The following RBBP6 variants were observed in gnomAD, a reference collection of about 807,000 sequenced individuals.
RBBP6 encodes E3 ubiquitin-protein ligase RBBP6.
RBBP6 carries 25 observed loss-of-function variants against 167.7 expected under a neutral mutation model. The observed-to-expected ratio is 0.15, with a 90% CI of 0.11 to 0.21. The LOEUF (loss-of-function observed/expected upper bound fraction) is 0.21. RBBP6 is among the 10% of genes least tolerant of loss of function. The pLI is 1.00. For synonymous variants in RBBP6, 789 were observed against 735.8 expected, an observed-to-expected ratio of 1.07 and a Z score of -1.17; for missense variants, 1,868 against 2,134.2, an observed-to-expected ratio of 0.88 and a Z score of 2.46.
intron 3 of RBBP6, among the ~76,000 whole-genome samples, chr16:24,551,677 A>AT (rs201356943): frequency 2.7e-4 from 41 of 149,788 alleles, no homozygotes; most frequent in Admixed American, 1.1e-3. Flanking sequence ...GAGTGGGAAG[A>AT]TTTTTTTTTT....
In RBBP6 at chr16:24,553,679, T is replaced by C. The variant is rs896701493; in HGVS notation, c.348+122T>C. On this transcript the variant is annotated intron_variant, in intron 4 of 17. Coordinates refer to ENST00000319715, the MANE Select transcript of RBBP6 (RefSeq NM_006910.5). Reference sequence around the variant, plus strand: ...TATTTTGCAAAAGCATTGTACATATTATTACTATCCTGTAAAGAGTAGTTG... The same window carrying C: ...TATTTTGCAAAAGCATTGTACATATCATTACTATCCTGTAAAGAGTAGTTG... 4.8e-6 allele frequency: 3 copies of C among 619,760 alleles called. No homozygotes were observed. The Admixed American group carries it at 8.5e-5, about 18-fold the overall frequency. The allele number at this position is 619,760 out of a possible 1,614,324, so 38.4% of individuals were successfully genotyped here.
Position 24,569,427 on chromosome 16 carries a change from A to T in RBBP6, c.2737A>T (p.Asn913Tyr), listed in dbSNP as rs370098575. The T allele has an allele frequency of 1.2e-6, 2 of 1,614,092 alleles. No individual in the cohort carries two copies. The highest frequency in any genetic ancestry group is 2.7e-5 in the African/African-American group (2 of 75,036). The change falls in exon 17 of 18, where the codon AAT becomes TAT. Residue 913 changes from asparagine to tyrosine, a missense_variant. Physicochemically the swap from Asn to Tyr is moderately radical, Grantham distance 143. This residue lies in a region of RBBP6 where 673 missense variants were observed against 691.5 expected (regional missense o/e 0.97). Coordinates refer to ENST00000319715, the MANE Select transcript of RBBP6 (RefSeq NM_006910.5). ...AAGAGATGGTCACAATCAGAAGGAT[A>T]ATACAAAGTCAAAAGAGAAGGAGAG... is the stretch of plus-strand genomic sequence containing the variant. Reference protein sequence around the residue: ...SARDGHNQKDNTKSKEKESEN... With the variant: ...SARDGHNQKDYTKSKEKESEN...
chr16:24,562,685 TAAAAA>T (rs373263162), intron 10 of RBBP6, among the ~76,000 whole-genome samples: 1 of 135,910 alleles, frequency 7.4e-6, no homozygotes, highest in Non-Finnish European at 1.6e-5. Flanking sequence ...ATAAATTCTT[TAAAAA>T]AAAAAAAAAA....
chr16:24,566,325 T>G (rs1444129856), intron 14 of RBBP6, among the ~76,000 whole-genome samples: 1 of 152,250 alleles, frequency 6.6e-6, no homozygotes, highest in Admixed American at 6.5e-5. Flanking sequence ...TTATTTTTAC[T>G]TAAGCTTTTG....
chr16:24,549,717 A>G (rs561752459), intron 3 of RBBP6, among the ~76,000 whole-genome samples: 4 of 151,984 alleles, frequency 2.6e-5, no homozygotes, highest in South Asian at 2.1e-4. Flanking sequence ...AACTGATTAT[A>G]TTGTTTTCAA....
rs1899333874 is a variant in RBBP6 at position 24,571,499 on chromosome 16, A to G, written c.4433A>G (p.Asp1478Gly). 1.2e-6 allele frequency: 2 copies of G among 1,612,942 alleles called. No homozygotes were observed. Among genetic ancestry groups the G allele is most frequent in the East Asian group, 4.5e-5 (2 of 44,850 alleles). ...TPNRDKKTDY[D>G]TREYSSSKRR... Reference sequence around the variant, plus strand: ...AATAGAGACAAAAAAACTGACTATGACACCAGAGAGTATTCAAGTTCCAAA... The same window carrying G: ...AATAGAGACAAAAAAACTGACTATGGCACCAGAGAGTATTCAAGTTCCAAA... Residue 1478 changes from aspartate to glycine, a missense_variant, in exon 18 of 18, where the codon GAC (aspartate) becomes GGC (glycine). Asp to Gly is a moderately conservative substitution (Grantham distance 94). Around this residue, in one of 7 missense-constraint regions of RBBP6, gnomAD observed 591 missense variants for 540.5 expected, o/e 1.09. Coordinates refer to ENST00000319715, the MANE Select transcript of RBBP6 (RefSeq NM_006910.5).
chr16:24,545,581 C>T (rs1426136950), intron 1 of RBBP6, among the ~76,000 whole-genome samples: 1 of 152,030 alleles, frequency 6.6e-6, no homozygotes, highest in Non-Finnish European at 1.5e-5. Context: ...TAGTCCTCAA[C>T]CAGTTTTTTT....
intron 3 of RBBP6, among the ~76,000 whole-genome samples, chr16:24,551,656 TTAAG>T (rs1430065839): frequency 1.3e-5 from 2 of 151,768 alleles, no homozygotes; most frequent in Non-Finnish European, 3.0e-5. Context: ...ATACTATATC[TTAAG>T]TGTTAGGAGT....
Position 24,570,461 on chromosome 16 carries a change from A to G in RBBP6, c.3771A>G (p.Gly1257=). The part of the protein sequence containing the change: ...VKGKVRRKVT[G]TEGSSSTLVD... ...GAAAGGTCAGACGAAAAGTGACTGG[A>G]ACTGAAGGATCCAGCTCAACTCTGG... is the stretch of plus-strand genomic sequence containing the variant. Residue 1257 remains glycine (G), a synonymous_variant, in exon 17 of 18, where the codon GGA becomes GGG. Transcript: ENST00000319715. The G allele has an allele frequency of 6.3e-7, 1 of 1,599,528 alleles. No individual in the cohort carries two copies. Among genetic ancestry groups the G allele is most frequent in the Admixed American group, 1.8e-5 (1 of 56,348 alleles).
At position 24,555,325 on chromosome 16, in the gene RBBP6, A is replaced by T. The variant is rs1386721345; in HGVS notation, c.349-290A>T. 1.8e-5 allele frequency: 4 copies of T among 228,018 alleles called. No homozygotes were observed. The Admixed American group carries it at 2.1e-4, about 12-fold the overall frequency. 14.1% of individuals were successfully genotyped at this position (228,018 alleles called of 1,614,324 possible). On this transcript the variant is annotated intron_variant, in intron 4 of 17. Coordinates refer to ENST00000319715, the MANE Select transcript of RBBP6 (RefSeq NM_006910.5). ...TCAAGTGTTTCTATTCTAACTTAAT[A>T]TCAGTCTTTAACTTGTAGAAAAGTA...
rs1327970219 is a variant in RBBP6, at chr16:24,572,141, G to A, written c.5075G>A (p.Ser1692Asn). 1 of 1,614,002 alleles carries A rather than the reference G, an allele frequency of 6.2e-7. No homozygotes were observed. Among genetic ancestry groups the A allele is most frequent in the East Asian group, 2.2e-5 (1 of 44,896 alleles). The change falls in exon 18 of 18, where the codon AGC (serine) becomes AAC (asparagine). Residue 1692 changes from serine to asparagine, a missense_variant. Physicochemically the swap from Ser to Asn is conservative, Grantham distance 46. Transcript: ENST00000319715. The stretch of plus-strand genomic sequence containing the variant: ...CAGGTGGGCATAAGCAGGAATCAGA[G>A]CCACAGCAGCCCCAGCGTCAGCCCC... ...VVQVGISRNQ[S>N]HSSPSVSPSR...
intron 1 of RBBP6, among the ~76,000 whole-genome samples, chr16:24,541,209 A>C (rs1387398583): frequency 1.0e-4 from 15 of 150,236 alleles, no homozygotes; most frequent in South Asian, 2.1e-4. Flanking sequence ...AAAAACCAAA[A>C]AAACAATTTT....
intron 17 of RBBP6, 64 bp from the exon 18 acceptor site, chr16:24,570,812 A>G (rs1362248279): frequency 8.2e-7 from 1 of 1,219,992 alleles, no homozygotes. Flanking sequence ...TTTTATATTT[A>G]TCAGTGTTTT....
At position 24,569,258 on chromosome 16, in the gene RBBP6, T is replaced by C. The variant is rs375715978; in HGVS notation, c.2568T>C (p.Asn856=). The C allele has an allele frequency of 1.9e-6, 3 of 1,612,198 alleles. No homozygotes were observed. In the African/African-American group the frequency reaches 4.0e-5, roughly 22 times the overall value. The change falls in exon 17 of 18, where the codon AAT becomes AAC. Residue 856 remains asparagine, a synonymous_variant. Transcript: ENST00000319715. ...GAGCACAGCCTAGACCCTCAGCAAA[T>C]AGAGAGAACTTTTCTCCAGAGAGAT... The part of the protein sequence containing the change: ...AAGAQPRPSA[N]RENFSPERFL...
At chr16:24,563,369 T>TA in intron 11 of RBBP6, 54 bp from the exon 12 acceptor site, 1 of 1,442,006 alleles carries the variant, frequency 6.9e-7, no homozygotes, top group Non-Finnish European at 9.4e-7. Flanking sequence ...TGTTCTTACC[T>TA]CTTTTTTTTT....
At position 24,553,497 on chromosome 16, in the gene RBBP6, A is replaced by G. The variant is rs777533874; in HGVS notation, c.304-16A>G. 1 of 1,609,064 alleles carries G rather than the reference A, an allele frequency of 6.2e-7. No individual in the cohort carries two copies. The highest frequency in any genetic ancestry group is 1.1e-5 in the South Asian group (1 of 90,730). On this transcript the variant is annotated splice_polypyrimidine_tract_variant and intron_variant, in intron 3 of 17. Coordinates refer to ENST00000319715, the MANE Select transcript of RBBP6 (RefSeq NM_006910.5). Reference sequence around the variant, plus strand: ...CAGTTTGGAACTTGAATGTGTGTTTAATTTTTTGTGAACAGATTGATGACT... The same window carrying G: ...CAGTTTGGAACTTGAATGTGTGTTTGATTTTTTGTGAACAGATTGATGACT...
chr16:24,552,073 A>G (rs569687461), intron 3 of RBBP6, among the ~76,000 whole-genome samples: 1 of 151,962 alleles, frequency 6.6e-6, no homozygotes, highest in South Asian at 2.1e-4. Flanking sequence ...GCATTAAGTT[A>G]TAGGGTTAGT....
rs917101316 is a variant in RBBP6 at position 24,555,969 on chromosome 16, T to C, written c.534+52T>C. 4 of 1,442,060 alleles carry C rather than the reference T, an allele frequency of 2.8e-6. No homozygotes were observed. The African/African-American group carries it at 5.6e-5, about 20-fold the overall frequency. 89.3% of individuals were successfully genotyped at this position (1,442,060 alleles called of 1,614,324 possible). ...TATCTTACTTTTTTTCCTTTGGAATTGTTCCTTAGCTATCTTATTTTTCTT... is the reference window on the plus strand; with the variant it reads ...TATCTTACTTTTTTTCCTTTGGAATCGTTCCTTAGCTATCTTATTTTTCTT... On this transcript the variant is annotated intron_variant, in intron 6 of 17. Transcript: ENST00000319715.
At chr16:24,560,959 G>C (rs1368846058) in intron 8 of RBBP6, among the ~76,000 whole-genome samples, 1 of 152,148 alleles carries the variant, frequency 6.6e-6, no homozygotes, top group African/African-American at 2.4e-5. Context: ...AGAAGAGGTT[G>C]CTAAAGACTT....
Sources: allele counts gnomAD v4.1 joint callset (sites outside exome capture counted in the v4.1 genomes callset), GRCh38; gene constraint gnomAD v4.1.1; regional missense constraint gnomAD v4.1.1; transcripts MANE v1.5; gene names NCBI Gene and HGNC (gene_info 2026-07-23, HGNC 2026-07-21).